FBRSL1: variants seen among roughly 807,000 people sequenced by gnomAD.
The protein encoded by FBRSL1 is fibrosin like 1.
Under a neutral mutation model 89.6 loss-of-function variants are expected in FBRSL1, and 51 were observed. The observed-to-expected ratio is 0.57, with a 90% confidence interval of 0.45 to 0.72. FBRSL1 has a LOEUF of 0.72. FBRSL1 is among the 30% of genes least tolerant of loss of function. The pLI, the probability that FBRSL1 is intolerant of heterozygous loss-of-function variation, is 0.00. For missense variants in FBRSL1, 1,618 were observed against 1,451.8 expected (o/e 1.11, Z -1.86); for synonymous variants, 779 against 681.1 (o/e 1.14, Z -2.24).
In FBRSL1 at chr12:132,509,117, CG is replaced by C. The variant is rs2034035412; in HGVS notation, c.489+770del. ...GGGCCCGGGCTGGACGGGGGTTCCG[CG>C]GGCGGTGACACCTGCCCAGGTGGAC... On this transcript the variant is annotated intron_variant, in intron 2 of 18. Transcript: ENST00000680143. 3 of 1,185,902 alleles carry C rather than the reference CG, an allele frequency of 2.5e-6. No individual in the cohort carries two copies. The African/African-American group carries it at 4.8e-5, about 19-fold the overall frequency. The allele number at this position is 1,185,902 out of a possible 1,614,324, so 73.5% of individuals were successfully genotyped here. A position where few individuals can be genotyped will look rare whatever the true frequency, so the allele number is the denominator to read the frequency against.
intron 1 of FBRSL1, among the ~76,000 whole-genome samples, chr12:132,496,003 C>T (rs999839580): frequency 2.6e-5 from 4 of 152,268 alleles, no homozygotes; most frequent in Admixed American, 1.3e-4. Flanking sequence ...TTCCCCATCC[C>T]CTCCCTCCCG....
chr12:132,490,514 C>T lies in FBRSL1; in HGVS notation c.-57C>T. Reference sequence around the variant, plus strand: ...CCGCGTAGCCGAGGGAGCCCGCCTGCTGCGAGCCAGGCGCGGGGCGTCAAG... The same window carrying T: ...CCGCGTAGCCGAGGGAGCCCGCCTGTTGCGAGCCAGGCGCGGGGCGTCAAG... On this transcript the variant is annotated 5_prime_UTR_variant, in exon 1 of 19. Coordinates refer to ENST00000680143, the MANE Select transcript of FBRSL1 (RefSeq NM_001367871.1). The T allele has an allele frequency of 5.2e-6, 5 of 966,774 alleles. No individual in the cohort carries two copies. The highest frequency in any genetic ancestry group is 5.3e-4 in the Middle Eastern group (1 of 1,898). 59.9% of individuals were successfully genotyped at this position (966,774 alleles called of 1,614,324 possible).
At chr12:132,573,964 G>T in intron 11 of FBRSL1, 126 bp from the exon 12 acceptor site, 1 of 370,142 alleles carries the variant, frequency 2.7e-6, no homozygotes, top group Non-Finnish European at 3.9e-6. Flanking sequence ...GTCCCTGGGA[G>T]ACAGCGTGCG....
chr12:132,520,510 G>T (rs2035256929), intron 2 of FBRSL1, among the ~76,000 whole-genome samples: 1 of 152,196 alleles, frequency 6.6e-6, no homozygotes, highest in Non-Finnish European at 1.5e-5. Context: ...AACGCCCGAG[G>T]GTGGGGACAA....
intron 15 of FBRSL1, among the ~76,000 whole-genome samples, 177 bp downstream of exon 15, chr12:132,577,108 C>CCCTCACCTCTCTTCT (rs1446915913): frequency 1.3e-5 from 2 of 152,056 alleles, no homozygotes; most frequent in Non-Finnish European, 2.9e-5. Context: ...CTCACCCCAC[C>CCCTCACCTCTCTTCT]CCTCACCTCT....
At chr12:132,509,226 C>A in intron 2 of FBRSL1, 1 of 1,252,488 alleles carries the variant, frequency 8.0e-7, no homozygotes, top group African/African-American at 1.5e-5. Context: ...CGGCCCGGCC[C>A]AGCGCCAGCA....
intron 9 of FBRSL1, chr12:132,571,600 ACGCT>A (rs1455479663): frequency 2.1e-6 from 2 of 958,562 alleles, no homozygotes; most frequent in East Asian, 3.9e-5. Flanking sequence ...ACACAGACAC[ACGCT>A]CGCACACACA....
chr12:132,550,110 G>A (rs2038025503), intron 5 of FBRSL1, among the ~76,000 whole-genome samples: 1 of 152,006 alleles, frequency 6.6e-6, no homozygotes. Context: ...GCACACAGAG[G>A]GTCCCGGCAG....
intron 10 of FBRSL1, 61 bp downstream of exon 10, chr12:132,572,405 G>T: frequency 6.5e-7 from 1 of 1,529,060 alleles, no homozygotes; most frequent in Non-Finnish European, 8.9e-7. Context: ...GCCACGGGGC[G>T]GTGGGTGGGG....
intron 8 of FBRSL1, 115 bp from the exon 9 acceptor site, chr12:132,570,953 C>T: frequency 5.6e-6 from 4 of 718,108 alleles, no homozygotes; most frequent in Non-Finnish European, 6.8e-6. Flanking sequence ...TCCGAGTCAG[C>T]CCGGCCCAGG....
chr12:132,527,112 G>A (rs538324756), intron 3 of FBRSL1, among the ~76,000 whole-genome samples: 5 of 151,274 alleles, frequency 3.3e-5, no homozygotes, highest in Non-Finnish European at 7.4e-5. Flanking sequence ...CCCACCACCT[G>A]TCAGGCCCCT....
chr12:132,490,310 G>A lies in FBRSL1; in HGVS notation c.-261G>A, dbSNP rs1042977211. ...GGGGCGCGCCCCCGGGGGGGCGGCC[G>A]AGGGCCGCTGAGCGCCGGGCCCGCC... On this transcript the variant is annotated 5_prime_UTR_variant, in exon 1 of 19. Coordinates refer to ENST00000680143, the MANE Select transcript of FBRSL1 (RefSeq NM_001367871.1). 2 of 142,642 alleles carry A rather than the reference G, an allele frequency of 1.4e-5. No individual in the cohort carries two copies. Among genetic ancestry groups the A allele is most frequent in the Non-Finnish European group, 3.1e-5 (2 of 64,660 alleles). The allele number at this position is 142,642 out of a possible 1,614,324, so 8.8% of individuals were successfully genotyped here. A position where few individuals can be genotyped will look rare whatever the true frequency, so the allele number is the denominator to read the frequency against.
chr12:132,569,809 GCATAGCCGGAGCCCAGA>G, intron 6 of FBRSL1, 100 bp from the exon 7 acceptor site: 1 of 720,156 alleles, frequency 1.4e-6, no homozygotes, highest in Non-Finnish European at 2.0e-6. Flanking sequence ...TGAAATGGGG[GCATAGCCGGAGCCCAGA>G]CATAGCCTGG....
intron 14 of FBRSL1, 137 bp downstream of exon 14, chr12:132,574,701 C>T (rs561567809): frequency 8.7e-7 from 1 of 1,152,296 alleles, no homozygotes; most frequent in South Asian, 1.6e-5. Context: ...CCGCCTGCCC[C>T]TTCCTCTGGG....
intron 15 of FBRSL1, among the ~76,000 whole-genome samples, chr12:132,579,704 G>GT (rs1466508077): frequency 6.6e-6 from 1 of 152,166 alleles, no homozygotes; most frequent in Non-Finnish European, 1.5e-5. Context: ...TTACTTTCCT[G>GT]TGCTGCACCT....
intron 4 of FBRSL1, among the ~76,000 whole-genome samples, chr12:132,531,167 A>AC (rs1413145548): frequency 6.6e-6 from 1 of 151,994 alleles, no homozygotes; most frequent in Non-Finnish European, 1.5e-5. Flanking sequence ...GTCCCATGGG[A>AC]CGCATGCCCA....
chr12:132,509,874 G>A (rs1212457420), intron 2 of FBRSL1: 28 of 1,231,356 alleles, frequency 2.3e-5, no homozygotes, highest in Admixed American at 1.7e-4. Context: ...CCGACGGCCC[G>A]CCAGCTTCCT....
intron 2 of FBRSL1, among the ~76,000 whole-genome samples, chr12:132,516,286 G>A (rs539777723): frequency 6.6e-6 from 1 of 151,646 alleles, no homozygotes; most frequent in South Asian, 2.1e-4. Context: ...CCGGGTTCAA[G>A]CAGTTCTCCT....
chr12:132,570,185 C>T lies in FBRSL1; in HGVS notation c.951C>T (p.Ser317=). The T allele has an allele frequency of 6.6e-7, 1 of 1,506,428 alleles. No individual in the cohort carries two copies. Among genetic ancestry groups the T allele is most frequent in the Non-Finnish European group, 8.8e-7 (1 of 1,135,708 alleles). 93.3% of individuals were successfully genotyped at this position (1,506,428 alleles called of 1,614,324 possible). A position where few individuals can be genotyped will look rare whatever the true frequency, so the allele number is the denominator to read the frequency against. The change falls in exon 7 of 19, where the codon TCC becomes TCT. Residue 317 remains serine, a synonymous_variant. Coordinates refer to ENST00000680143, the MANE Select transcript of FBRSL1 (RefSeq NM_001367871.1). ...RGLLPTHVPA[S]LGAFAGHSQA... ...TGCTCCCGACACACGTGCCTGCATC[C>T]CTGGGCGCCTTCGCGGGCCACAGCC...
Sources: allele counts gnomAD v4.1 joint callset (sites outside exome capture counted in the v4.1 genomes callset), GRCh38; gene constraint gnomAD v4.1.1; transcripts MANE v1.5; gene names NCBI Gene and HGNC (gene_info 2026-07-23, HGNC 2026-07-21).